The following SPIDR variants were observed in gnomAD, a reference collection of about 807,000 sequenced individuals.
SPIDR encodes the protein DNA repair-scaffolding protein.
A neutral mutation model predicts 104.6 loss-of-function variants in SPIDR; 93 were observed. The ratio of observed to expected loss-of-function variants is 0.89; its 90% CI spans 0.75 to 1.06. The LOEUF is 1.06. Ranked by LOEUF, SPIDR falls within the 50% of genes least tolerant of loss-of-function variation. The pLI is 0.00. For synonymous variants in SPIDR, 431 were observed against 416.9 expected (o/e 1.03, Z -0.41); for missense variants, 1,154 against 1,111.2 (o/e 1.04, Z -0.55).
At chr8:47,657,459 T>C (rs1404158861) in intron 10 of SPIDR, among the ~76,000 whole-genome samples, 1 of 152,130 alleles carries the variant, frequency 6.6e-6, no homozygotes, top group African/African-American at 2.4e-5. Flanking sequence ...GGGACCCTTA[T>C]GGTGATGGAA....
chr8:47,405,418 A>G (rs2062612621), intron 6 of SPIDR, among the ~76,000 whole-genome samples: 1 of 151,956 alleles, frequency 6.6e-6, no homozygotes, highest in South Asian at 2.1e-4. Context: ...AAATAAACCA[A>G]AATTTTAAAA....
At chr8:47,583,223 G>A (rs1477524774) in intron 8 of SPIDR, among the ~76,000 whole-genome samples, 2 of 150,376 alleles carry the variant, frequency 1.3e-5, no homozygotes, top group Non-Finnish European at 3.0e-5. Context: ...GGAGAATTGC[G>A]TGAACCCAGG....
chr8:47,549,645 T>A (rs1304310038), intron 8 of SPIDR, among the ~76,000 whole-genome samples: 3 of 152,182 alleles, frequency 2.0e-5, no homozygotes, highest in Non-Finnish European at 2.9e-5. Context: ...GTTTGAGTTC[T>A]TTGTAGATTC....
At position 47,565,138 on chromosome 8, in the gene SPIDR, T is replaced by C. The variant is rs375098752; in HGVS notation, c.1098-30673T>C. The stretch of plus-strand genomic sequence containing the variant: ...GCACATGCCTGTAATCCCAGCTGCT[T>C]GGGAGGCCGAGGCAGAAGAATAGCT... On this transcript the variant is annotated intron_variant, in intron 8 of 19. Coordinates refer to ENST00000297423, the MANE Select transcript of SPIDR (RefSeq NM_001080394.4). Among the ~76,000 whole-genome samples, 609 of 152,214 alleles carry C rather than the reference T, an allele frequency of 4.0e-3. 4 individuals carry two copies. Among genetic ancestry groups the C allele is most frequent in the South Asian group, 0.023 (109 of 4,830 alleles).
At chr8:47,704,488 G>A (rs1402213907) in intron 14 of SPIDR, among the ~76,000 whole-genome samples, 4 of 152,010 alleles carry the variant, frequency 2.6e-5, no homozygotes, top group Admixed American at 6.6e-5. Flanking sequence ...CTGGCTCCAC[G>A]GTCCCTCAGT....
chr8:47,542,173 T>C (rs531509576), intron 8 of SPIDR, among the ~76,000 whole-genome samples: 5 of 151,056 alleles, frequency 3.3e-5, no homozygotes, highest in East Asian at 1.9e-4. Context: ...TCATTTTCTT[T>C]TTTTTTTTTT....
intron 10 of SPIDR, among the ~76,000 whole-genome samples, chr8:47,640,059 C>T (rs1294343756): frequency 6.6e-6 from 1 of 152,184 alleles, no homozygotes; most frequent in Non-Finnish European, 1.5e-5. Flanking sequence ...TCCCCAGAGC[C>T]ACAGCCGACA....
intron 8 of SPIDR, among the ~76,000 whole-genome samples, chr8:47,565,477 A>G (rs2057670319): frequency 6.6e-6 from 1 of 152,188 alleles, no homozygotes; most frequent in South Asian, 2.1e-4. Context: ...ATTTTAAATA[A>G]GTTTAAATAT....
chr8:47,533,673 A>G lies in SPIDR; in HGVS notation c.1098-62138A>G, dbSNP rs543488183. Among the ~76,000 whole-genome samples the G allele has an allele frequency of 9.2e-5, 14 of 152,338 alleles. No individual in the cohort carries two copies. In the Middle Eastern group the frequency reaches 0.01, roughly 111 times the overall value. The stretch of plus-strand genomic sequence containing the variant: ...AGCATATGGGGGAAAAAAAACCTCA[A>G]CATCACTGATCATTAGAGAAATGCA... On this transcript the variant is annotated intron_variant, in intron 8 of 19. Transcript: ENST00000297423.
intron 14 of SPIDR, among the ~76,000 whole-genome samples, chr8:47,710,589 C>G (rs975630069): frequency 1.3e-5 from 2 of 152,064 alleles, no homozygotes; most frequent in Non-Finnish European, 2.9e-5. Flanking sequence ...CTTCCTTAGC[C>G]TCCCGAGTAG....
chr8:47,607,466 A>C (rs1395339338), intron 10 of SPIDR, among the ~76,000 whole-genome samples: 1 of 151,944 alleles, frequency 6.6e-6, no homozygotes, highest in Non-Finnish European at 1.5e-5. Context: ...CTCAATATTA[A>C]AGCCTAATGA....
chr8:47,305,944 AT>A (rs1249357128), intron 5 of SPIDR, among the ~76,000 whole-genome samples: 9 of 152,300 alleles, frequency 5.9e-5, no homozygotes, highest in Non-Finnish European at 1.3e-4. Flanking sequence ...ATCTTGTAAA[AT>A]TGAAATTCTG....
intron 8 of SPIDR, among the ~76,000 whole-genome samples, chr8:47,441,133 T>A (rs988835924): frequency 3.0e-4 from 45 of 152,204 alleles, no homozygotes; most frequent in Non-Finnish European, 4.9e-4. Flanking sequence ...TTTTCGTAAT[T>A]TTTTATAAGT....
intron 7 of SPIDR, among the ~76,000 whole-genome samples, chr8:47,426,828 G>A (rs1429797717): frequency 6.6e-6 from 1 of 152,188 alleles, no homozygotes; most frequent in Non-Finnish European, 1.5e-5. Flanking sequence ...CAGAGCCTCA[G>A]GATCTAGTCA....
intron 8 of SPIDR, among the ~76,000 whole-genome samples, chr8:47,494,453 G>T (rs886473386): frequency 6.6e-6 from 1 of 152,034 alleles, no homozygotes; most frequent in African/African-American, 2.4e-5. Context: ...AATGAAAATA[G>T]AAATAAATAT....
At chr8:47,351,051 C>G (rs1208603791) in intron 5 of SPIDR, among the ~76,000 whole-genome samples, 1 of 152,190 alleles carries the variant, frequency 6.6e-6, no homozygotes, top group African/African-American at 2.4e-5. Context: ...CGTAGCTGGT[C>G]TGTTATCAGA....
intron 16 of SPIDR, among the ~76,000 whole-genome samples, chr8:47,716,973 G>T (rs907827829): frequency 1.7e-4 from 26 of 152,204 alleles, no homozygotes; most frequent in African/African-American, 6.3e-4. Context: ...ATGCAAAGCA[G>T]GGAGAGATGA....
At chr8:47,273,319 T>C (rs1036772474) in intron 1 of SPIDR, among the ~76,000 whole-genome samples, 2 of 152,244 alleles carry the variant, frequency 1.3e-5, no homozygotes, top group Non-Finnish European at 2.9e-5. Context: ...TACTTACCTT[T>C]ACTGATTTTT....
intron 8 of SPIDR, among the ~76,000 whole-genome samples, chr8:47,531,200 A>G (rs1216646204): frequency 2.0e-5 from 3 of 152,308 alleles, no homozygotes; most frequent in Middle Eastern, 3.4e-3. Context: ...CCTTTTTTAA[A>G]AACTTGTAAA....
Sources: gnomAD v4.1 joint callset for allele counts (sites outside exome capture counted in the v4.1 genomes callset) on GRCh38, gnomAD v4.1.1 for gene constraint, MANE v1.5 for transcripts, NCBI Gene and HGNC (gene_info 2026-07-23, HGNC 2026-07-21) for gene names.